NTN1: variants seen among roughly 807,000 people sequenced by gnomAD.
NTN1 encodes the protein netrin 1.
A neutral mutation model predicts 54.2 loss-of-function variants in NTN1; 11 were observed. The ratio of observed to expected loss-of-function variants is 0.20; its 90% confidence interval spans 0.13 to 0.34. NTN1 has a LOEUF of 0.34. NTN1 is among the 10% of genes least tolerant of loss of function. The pLI is 1.00. For missense variants in NTN1, 740 were observed against 893.1 expected (o/e 0.83, Z 2.18); for synonymous variants, 371 against 382.0 (o/e 0.97, Z 0.33).
intron 6 of NTN1, among the ~76,000 whole-genome samples, chr17:9,235,183 T>G (rs1905944252): frequency 6.6e-6 from 1 of 152,068 alleles, no homozygotes; most frequent in Non-Finnish European, 1.5e-5. Context: ...TAGGATGGTC[T>G]CGAACTCCTG....
intron 2 of NTN1, among the ~76,000 whole-genome samples, chr17:9,089,193 A>G (rs932987886): frequency 9.2e-5 from 14 of 152,108 alleles, no homozygotes; most frequent in Non-Finnish European, 1.6e-4. Flanking sequence ...CTGGTGGATC[A>G]CCCGAGTTCA....
chr17:9,056,891 C>T (rs556988034), intron 2 of NTN1, among the ~76,000 whole-genome samples: 5 of 152,142 alleles, frequency 3.3e-5, no homozygotes, highest in South Asian at 2.1e-4. Context: ...GATGAAAAGA[C>T]GCTGGAGAGA....
intron 2 of NTN1, among the ~76,000 whole-genome samples, chr17:9,092,910 C>G (rs1474975985): frequency 6.6e-6 from 1 of 152,216 alleles, no homozygotes; most frequent in Non-Finnish European, 1.5e-5. Flanking sequence ...GGGTGCCCAC[C>G]ACCACGCCCG....
chr17:9,199,595 C>G (rs527576065), intron 5 of NTN1, among the ~76,000 whole-genome samples: 2 of 152,368 alleles, frequency 1.3e-5, no homozygotes, highest in South Asian at 4.1e-4. Flanking sequence ...CAGCCACAGT[C>G]AGGGAAAGAG....
chr17:9,077,704 G>A (rs548936332), intron 2 of NTN1, among the ~76,000 whole-genome samples: 1 of 152,290 alleles, frequency 6.6e-6, no homozygotes, highest in Non-Finnish European at 1.5e-5. Flanking sequence ...AAATTGGAAA[G>A]GTGATGGAGA....
At chr17:9,167,425 G>A (rs1200619388) in intron 3 of NTN1, among the ~76,000 whole-genome samples, 1 of 152,178 alleles carries the variant, frequency 6.6e-6, no homozygotes, top group African/African-American at 2.4e-5. Context: ...GATGGATAAA[G>A]ACATTCCAGG....
chr17:9,227,778 TACC>T lies in NTN1; in HGVS notation c.1486+6539_1486+6541del, dbSNP rs1277487360. On this transcript the variant is annotated intron_variant, in intron 6 of 6. Coordinates refer to ENST00000173229, the MANE Select transcript of NTN1 (RefSeq NM_004822.3). ...CACACATTTATCATACAGGCACACA[TACC>T]ACACACATATCACACACATTCACAC... 1.0e-4 allele frequency among the ~76,000 whole-genome samples: 15 copies of T among 149,750 alleles called. No individual in the cohort carries two copies. In the East Asian group the frequency reaches 3.0e-3, roughly 30 times the overall value.
chr17:9,139,482 G>A (rs1207277462), intron 2 of NTN1, among the ~76,000 whole-genome samples: 1 of 152,166 alleles, frequency 6.6e-6, no homozygotes, highest in East Asian at 1.9e-4. Context: ...GGACCCACAG[G>A]CTTCAGTTCC....
rs116287323 is a variant in NTN1 at position 9,229,785 on chromosome 17, A to G, written c.1486+8543A>G. Among the ~76,000 whole-genome samples, 560 of 152,284 alleles carry G rather than the reference A, an allele frequency of 3.7e-3. 2 individuals are homozygous for G. Among genetic ancestry groups the G allele is most frequent in the African/African-American group, 0.013 (538 of 41,544 alleles). ...ATGGGCATGGCTGTGTGTTCGAGGAAGCTTCCAGGAAGACCCCTGATGGTG... is the reference window on the plus strand; with the variant it reads ...ATGGGCATGGCTGTGTGTTCGAGGAGGCTTCCAGGAAGACCCCTGATGGTG... On this transcript the variant is annotated intron_variant, in intron 6 of 6. Transcript: ENST00000173229.
chr17:9,189,283 C>T (rs1317883068), intron 5 of NTN1, among the ~76,000 whole-genome samples: 1 of 152,198 alleles, frequency 6.6e-6, no homozygotes, highest in African/African-American at 2.4e-5. Flanking sequence ...ACTGGGATCC[C>T]GGCCGTGGTT....
chr17:9,101,166 T>G (rs1381220029), intron 2 of NTN1, among the ~76,000 whole-genome samples: 1 of 152,252 alleles, frequency 6.6e-6, no homozygotes, highest in Non-Finnish European at 1.5e-5. Context: ...TTCTGAGGGC[T>G]AGACCCATCT....
the NTN1 span, among the ~76,000 whole-genome samples, chr17:9,013,216 C>CTTTTTTT: frequency 4.5e-4 from 53 of 118,710 alleles, no homozygotes; most frequent in African/African-American, 5.7e-4. Context: ...TTTTCTTTTT[C>CTTTTTTT]TTTTTTTTTT....
chr17:9,074,203 C>T (rs999816060), intron 2 of NTN1, among the ~76,000 whole-genome samples: 15 of 152,174 alleles, frequency 9.9e-5, no homozygotes, highest in Non-Finnish European at 1.6e-4. Context: ...CTGACAGGGG[C>T]GAGGTGGCTT....
At chr17:9,198,783 C>G (rs1904705352) in intron 5 of NTN1, among the ~76,000 whole-genome samples, 2 of 152,170 alleles carry the variant, frequency 1.3e-5, no homozygotes, top group African/African-American at 4.8e-5. Flanking sequence ...CTACAGATCC[C>G]TAAGTACTGT....
intron 2 of NTN1, among the ~76,000 whole-genome samples, chr17:9,099,192 T>C (rs1434092786): frequency 6.6e-6 from 1 of 152,158 alleles, no homozygotes; most frequent in Admixed American, 6.5e-5. Flanking sequence ...TCACCTGAGG[T>C]CAGGATTTCG....
chr17:9,065,355 C>T (rs2092011854), intron 2 of NTN1, among the ~76,000 whole-genome samples: 1 of 152,178 alleles, frequency 6.6e-6, no homozygotes, highest in Admixed American at 6.5e-5. Context: ...TGGTTTCCTG[C>T]CCACACTGTG....
chr17:9,007,462 TTC>T, the NTN1 span, among the ~76,000 whole-genome samples: 11 of 150,906 alleles, frequency 7.3e-5, no homozygotes, highest in South Asian at 2.1e-4. Context: ...CCTTCCTTCC[TTC>T]TCTTTCTTTC....
chr17:9,169,986 G>A (rs9897106), intron 3 of NTN1, among the ~76,000 whole-genome samples: 10,371 of 152,266 alleles, frequency 0.068, 994 homozygotes, highest in African/African-American at 0.21. Context: ...TGGCCAGAGC[G>A]TTAAGGGCAT....
chr17:9,088,903 C>T (rs777206677), intron 2 of NTN1, among the ~76,000 whole-genome samples: 8 of 152,168 alleles, frequency 5.3e-5, no homozygotes, highest in Non-Finnish European at 1.0e-4. Context: ...CGCACCTGTT[C>T]ACCCTGCAAA....
Sources: allele counts gnomAD v4.1 joint callset (sites outside exome capture counted in the v4.1 genomes callset), GRCh38; gene constraint gnomAD v4.1.1; transcripts MANE v1.5; gene names NCBI Gene and HGNC (gene_info 2026-07-23, HGNC 2026-07-21).